GALNTL6: variants seen among roughly 807,000 people sequenced by gnomAD.
GALNTL6 encodes the protein polypeptide N-acetylgalactosaminyltransferase-like 6.
GALNTL6 carries 46 observed loss-of-function variants against 73.7 expected under a neutral mutation model. The ratio of observed to expected loss-of-function variants is 0.62; its 90% CI spans 0.49 to 0.80. The LOEUF (loss-of-function observed/expected upper bound fraction) is 0.80. Among genes scored for constraint, GALNTL6 ranks in the 30% least tolerant of loss-of-function variants. The pLI, the probability that GALNTL6 is intolerant of heterozygous loss-of-function variation, is 0.00. For missense variants in GALNTL6, 604 were observed against 755.0 expected, an observed-to-expected ratio of 0.80 and a Z score of 2.34; for synonymous variants, 259 against 263.7, an observed-to-expected ratio of 0.98 and a Z score of 0.17.
At chr4:172,354,558 T>G (rs1366948659) in intron 5 of GALNTL6, among the ~76,000 whole-genome samples, 1 of 152,086 alleles carries the variant, frequency 6.6e-6, no homozygotes, top group African/African-American at 2.4e-5. Flanking sequence ...GTCAGATGTA[T>G]GAACATACCA....
chr4:172,850,763 G>T (rs73000156), intron 7 of GALNTL6, among the ~76,000 whole-genome samples: 3,756 of 152,192 alleles, frequency 0.025, 147 homozygotes, highest in African/African-American at 0.085. Flanking sequence ...CCTTTTACGG[G>T]TTCTATTACT....
chr4:172,333,441 C>A (rs372088340), intron 4 of GALNTL6, among the ~76,000 whole-genome samples: 4 of 151,878 alleles, frequency 2.6e-5, no homozygotes, highest in Non-Finnish European at 4.4e-5. Flanking sequence ...AAACAAAAAA[C>A]GAAATGTACA....
intron 5 of GALNTL6, among the ~76,000 whole-genome samples, chr4:172,482,213 A>G (rs1733512946): frequency 2.0e-5 from 3 of 152,210 alleles, no homozygotes; most frequent in Admixed American, 6.5e-5. Flanking sequence ...GCGCTGGCCC[A>G]GGAGCGCTTC....
At chr4:173,024,822 G>A (rs573037154) in intron 12 of GALNTL6, among the ~76,000 whole-genome samples, 5 of 152,178 alleles carry the variant, frequency 3.3e-5, no homozygotes, top group East Asian at 3.9e-4. Flanking sequence ...CAGGGGATCC[G>A]CCCACCTTAG....
At chr4:172,012,120 G>A (rs9995417) in intron 2 of GALNTL6, among the ~76,000 whole-genome samples, 138,822 of 152,152 alleles carry the variant, frequency 0.91, 63,931 homozygotes, top group South Asian at 0.98. Context: ...AAACTGCCAC[G>A]CATTTAGGGC....
intron 5 of GALNTL6, among the ~76,000 whole-genome samples, chr4:172,565,451 C>T (rs1418022516): frequency 6.6e-6 from 1 of 152,170 alleles, no homozygotes; most frequent in Non-Finnish European, 1.5e-5. Context: ...ATAAATCCCA[C>T]TTGGTCGTGG....
intron 2 of GALNTL6, among the ~76,000 whole-genome samples, chr4:172,177,761 A>ATATATGTACACATATATATACACATGTG (rs1560955421): frequency 5.1e-5 from 5 of 98,796 alleles, no homozygotes; most frequent in African/African-American, 1.4e-4. Context: ...ATATGTGTGT[A>ATATATGTACACATATATATACACATGTG]TATATATGTA....
intron 3 of GALNTL6, among the ~76,000 whole-genome samples, chr4:172,240,841 G>A (rs1737413867): frequency 6.6e-6 from 1 of 152,052 alleles, no homozygotes; most frequent in Non-Finnish European, 1.5e-5. Flanking sequence ...TTCTATGTCT[G>A]TCATTTCAGC....
intron 2 of GALNTL6, among the ~76,000 whole-genome samples, chr4:172,144,131 C>A (rs530876013): frequency 6.6e-5 from 10 of 152,122 alleles, no homozygotes; most frequent in Non-Finnish European, 1.3e-4. Context: ...ATAAAGGGCT[C>A]CCCTTCCAAT....
chr4:172,047,270 A>G (rs1345607576), intron 2 of GALNTL6, among the ~76,000 whole-genome samples: 6 of 152,120 alleles, frequency 3.9e-5, no homozygotes, highest in Non-Finnish European at 7.4e-5. Context: ...TTTACTTTCT[A>G]TTAGTTGAAA....
rs1404352867 is a variant in GALNTL6 at position 172,069,430 on chromosome 4, C to T, written c.139-160226C>T. ...ACACATATATGTTATATATAACACA[C>T]ATATAACATATATATGTAATATATA... On this transcript the variant is annotated intron_variant, in intron 2 of 12. Transcript: ENST00000506823. Among the ~76,000 whole-genome samples the T allele has an allele frequency of 1.6e-4, 14 of 87,900 alleles. 4 individuals carry two copies. The highest frequency in any genetic ancestry group is 1.6e-3 in the South Asian group (5 of 3,148). The allele number at this position is 87,900 out of a possible 152,430, so 57.7% of individuals were successfully genotyped here. A position where few individuals can be genotyped will look rare whatever the true frequency, so the allele number is the denominator to read the frequency against.
At chr4:172,528,319 A>AATATATATATAT (rs3083419) in intron 5 of GALNTL6, among the ~76,000 whole-genome samples, 48 of 103,650 alleles carry the variant, frequency 4.6e-4, no homozygotes, top group East Asian at 2.6e-3. Context: ...CTAGAAATAA[A>AATATATATATAT]ATATATATAT....
At chr4:172,589,824 A>T (rs58558837) in intron 5 of GALNTL6, among the ~76,000 whole-genome samples, 24,258 of 152,166 alleles carry the variant, frequency 0.16, 2,619 homozygotes, top group Middle Eastern at 0.32. Flanking sequence ...GTGTTAGTGC[A>T]TGCAGTCTCT....
chr4:172,822,211 T>C (rs1560975567), intron 7 of GALNTL6, among the ~76,000 whole-genome samples: 1 of 152,192 alleles, frequency 6.6e-6, no homozygotes, highest in African/African-American at 2.4e-5. Context: ...TTCTTCAGTT[T>C]GTCTTGGTCT....
intron 2 of GALNTL6, among the ~76,000 whole-genome samples, chr4:172,221,376 T>A (rs768493197): frequency 1.3e-5 from 2 of 151,782 alleles, no homozygotes; most frequent in Non-Finnish European, 3.0e-5. Context: ...GAAGAAAAAT[T>A]CAGCAGGTTA....
intron 12 of GALNTL6, among the ~76,000 whole-genome samples, chr4:173,039,332 G>A (rs1455433305): frequency 6.6e-6 from 1 of 152,202 alleles, no homozygotes; most frequent in Non-Finnish European, 1.5e-5. Flanking sequence ...GCTATTGCCT[G>A]TGTGTCCCTT....
chr4:172,854,508 T>C (rs574640813), intron 7 of GALNTL6, among the ~76,000 whole-genome samples: 4 of 152,294 alleles, frequency 2.6e-5, no homozygotes, highest in Non-Finnish European at 5.9e-5. Context: ...AGAATATACA[T>C]CATTATACAT....
At chr4:172,084,169 A>G (rs1360244645) in intron 2 of GALNTL6, among the ~76,000 whole-genome samples, 1 of 152,210 alleles carries the variant, frequency 6.6e-6, no homozygotes, top group Non-Finnish European at 1.5e-5. Flanking sequence ...GAGTTTGTCT[A>G]ATGAGAGGTG....
intron 5 of GALNTL6, among the ~76,000 whole-genome samples, chr4:172,549,137 C>G (rs1735873609): frequency 6.6e-6 from 1 of 152,134 alleles, no homozygotes; most frequent in Non-Finnish European, 1.5e-5. Context: ...TTGCATGGTG[C>G]CAAAATGTTT....
Sources: allele counts gnomAD v4.1 joint callset (sites outside exome capture counted in the v4.1 genomes callset), GRCh38; gene constraint gnomAD v4.1.1; transcripts MANE v1.5; gene names NCBI Gene and HGNC (gene_info 2026-07-23, HGNC 2026-07-21).